C16orf96: variants seen among roughly 807,000 people sequenced by gnomAD.
The protein encoded by C16orf96 is uncharacterized protein C16orf96.
In C16orf96, 108 loss-of-function variants were observed where a neutral mutation model predicts 103.6. The observed-to-expected ratio is 1.04, with a 90% CI of 0.89 to 1.22. C16orf96 has a LOEUF of 1.22. Ranked by LOEUF, C16orf96 falls within the 50% of genes most tolerant of loss-of-function variation. C16orf96 has a pLI of 0.00. For missense variants in C16orf96, 1,586 were observed against 1,464.2 expected, an observed-to-expected ratio of 1.08 and a Z score of -1.36; for synonymous variants, 566 against 593.5, an observed-to-expected ratio of 0.95 and a Z score of 0.67.
Position 4,587,023 on chromosome 16 carries a change from G to A in C16orf96, c.2353-16G>A. 4 of 1,550,378 alleles carry A rather than the reference G, an allele frequency of 2.6e-6. No individual in the cohort carries two copies. The highest frequency in any genetic ancestry group is 3.5e-6 in the Non-Finnish European group (4 of 1,146,028). ...GCTCTCCAGGATGGCAGACATGCCT[G>A]TGCTTCTGTTCTTAGACTCTCCAGG... On this transcript the variant is annotated splice_polypyrimidine_tract_variant and intron_variant, in intron 7 of 15. Coordinates refer to ENST00000444310, the MANE Select transcript of C16orf96 (RefSeq NM_001145011.2).
intron 9 of C16orf96, among the ~76,000 whole-genome samples, chr16:4,589,418 CAA>C (rs34683174): frequency 3.0e-3 from 446 of 146,436 alleles, no homozygotes; most frequent in Admixed American, 4.9e-3. Context: ...GTCCCCCTAC[CAA>C]AAAAAAAAAA....
chr16:4,563,849 A>G (rs1207336051), intron 1 of C16orf96, among the ~76,000 whole-genome samples: 2 of 150,078 alleles, frequency 1.3e-5, no homozygotes, highest in African/African-American at 2.5e-5. Flanking sequence ...GATTACAGGC[A>G]TGAGCCACTG....
chr16:4,551,132 A>G, the C16orf96 span, among the ~76,000 whole-genome samples: 1 of 152,162 alleles, frequency 6.6e-6, no homozygotes, highest in Admixed American at 6.6e-5. Context: ...ATCAGCCAGG[A>G]GAGGTGTTGC....
In C16orf96 at chr16:4,576,532, G is replaced by A. The variant is rs2059512560; in HGVS notation, c.2052G>A (p.Lys684=). The change falls in exon 5 of 16, where the codon AAG becomes AAA. Residue 684 remains lysine, a synonymous_variant. Coordinates refer to ENST00000444310, the MANE Select transcript of C16orf96 (RefSeq NM_001145011.2). Reference sequence around the variant, plus strand: ...CTGAAGACAAGAAGAGGGCTGTCAAGTATTCCATGAGCCACATAGCCCAGA... The same window carrying A: ...CTGAAGACAAGAAGAGGGCTGTCAAATATTCCATGAGCCACATAGCCCAGA... The part of the protein sequence containing the change: ...MSPEDKKRAV[K]YSMSHIAQIP... 1.9e-6 allele frequency: 3 copies of A among 1,551,436 alleles called. No homozygotes were observed. The highest frequency in any genetic ancestry group is 1.2e-5 in the South Asian group (1 of 84,062).
At chr16:4,555,791 G>C (rs1478083464), upstream of C16orf96, among the ~76,000 whole-genome samples, 1 of 151,116 alleles carries the variant, frequency 6.6e-6, no homozygotes, top group Non-Finnish European at 1.5e-5. Context: ...CAAACTCCTG[G>C]CTTCAAGCAA....
rs1322986744 is a variant in C16orf96 at position 4,562,751 on chromosome 16, T to C, written c.420+5842T>C. On this transcript the variant is annotated intron_variant, in intron 1 of 15. Coordinates refer to ENST00000444310, the MANE Select transcript of C16orf96 (RefSeq NM_001145011.2). The stretch of plus-strand genomic sequence containing the variant: ...AGAACATTTAGAAAACAAAAGCCAA[T>C]GTAAAAAGACAGATTAAAACAACTA... 1.1e-5 allele frequency: 8 copies of C among 741,250 alleles called. No homozygotes were observed. The East Asian group carries it at 2.3e-4, about 21-fold the overall frequency. The allele number at this position is 741,250 out of a possible 1,614,324, so 45.9% of individuals were successfully genotyped here.
At chr16:4,546,281 C>A in the C16orf96 span, among the ~76,000 whole-genome samples, 1 of 151,460 alleles carries the variant, frequency 6.6e-6, no homozygotes, top group Non-Finnish European at 1.5e-5. Context: ...GCCTCAGCCT[C>A]CCGAGTAGCT....
intron 7 of C16orf96, among the ~76,000 whole-genome samples, chr16:4,584,394 C>A (rs1276802583): frequency 1.4e-5 from 2 of 138,814 alleles, no homozygotes. Flanking sequence ...GTCGCCCAGC[C>A]TGGAGTGCAG....
At chr16:4,553,275 T>C (rs1467792471), upstream of C16orf96, among the ~76,000 whole-genome samples, 5 of 152,126 alleles carry the variant, frequency 3.3e-5, no homozygotes, top group Non-Finnish European at 7.3e-5. Context: ...TCCCTGAAAA[T>C]ATCCCACTGT....
Position 4,587,087 on chromosome 16 carries a change from A to AGC in C16orf96, c.2402_2403dup (p.Thr802AlafsTer7). The AGC allele has an allele frequency of 6.4e-7, 1 of 1,551,638 alleles. No homozygotes were observed. The highest frequency in any genetic ancestry group is 8.7e-7 in the Non-Finnish European group (1 of 1,146,950). Reference sequence around the variant, plus strand: ...ACTGGAAATGAACAAGGTGAATAAGAGCACGATGGAGGAGGAGCTGAGAGA... The same window carrying AGC: ...ACTGGAAATGAACAAGGTGAATAAGAGCGCACGATGGAGGAGGAGCTGAGAGA... On this transcript the variant is annotated frameshift_variant, in exon 8 of 16. Coordinates refer to ENST00000444310, the MANE Select transcript of C16orf96 (RefSeq NM_001145011.2). LOFTEE classifies it high-confidence loss of function.
the C16orf96 span, among the ~76,000 whole-genome samples, chr16:4,542,369 A>T: frequency 2.7e-4 from 41 of 152,202 alleles, no homozygotes; most frequent in African/African-American, 9.9e-4. Context: ...AGTCTCTAAA[A>T]AAATAAATAA....
intron 2 of C16orf96, among the ~76,000 whole-genome samples, chr16:4,573,918 C>G (rs989187981): frequency 6.6e-6 from 1 of 151,850 alleles, no homozygotes; most frequent in African/African-American, 2.4e-5. Flanking sequence ...ACTGCAACCT[C>G]TGCCTCCCGG....
rs1397376615 is a variant in C16orf96, at chr16:4,587,568, A to AAAAG, written c.2427+460_2427+463dup. 1.7e-4 allele frequency among the ~76,000 whole-genome samples: 26 copies of AAAAG among 151,432 alleles called. No individual in the cohort carries two copies. In the East Asian group the frequency reaches 2.2e-3, roughly 13 times the overall value. ...AAAAAAGAAAGAAAGAAAAAGAAAG[A>AAAAG]AAAGAAAGGAAAACAGGAGGCACAT... On this transcript the variant is annotated intron_variant, in intron 8 of 15. Transcript: ENST00000444310.
Position 4,600,385 on chromosome 16 carries a change from T to G in C16orf96, c.*68T>G. ...TCCGAGGCTGAGGCCCATGTGGCCC[T>G]CCCACTCCCACCAAGTCCCCTCCAC... On this transcript the variant is annotated 3_prime_UTR_variant, in exon 16 of 16. Coordinates refer to ENST00000444310, the MANE Select transcript of C16orf96 (RefSeq NM_001145011.2). 1 of 1,039,074 alleles carries G rather than the reference T, an allele frequency of 9.6e-7. No homozygotes were observed. The highest frequency in any genetic ancestry group is 1.3e-6 in the Non-Finnish European group (1 of 749,374). 64.4% of individuals were successfully genotyped at this position (1,039,074 alleles called of 1,614,324 possible).
chr16:4,565,783 C>G (rs2141702244), intron 1 of C16orf96, among the ~76,000 whole-genome samples: 1 of 152,274 alleles, frequency 6.6e-6, no homozygotes, highest in South Asian at 2.1e-4. Flanking sequence ...GCCACCACAC[C>G]CAGCCTCGTT....
At chr16:4,554,554 A>C (rs933118268), upstream of C16orf96, among the ~76,000 whole-genome samples, 5 of 151,400 alleles carry the variant, frequency 3.3e-5, no homozygotes, top group African/African-American at 1.2e-4. Context: ...ACGGGGTTTC[A>C]CACTGTTAGC....
intron 1 of C16orf96, chr16:4,563,012 A>C (rs2059348352): frequency 1.9e-6 from 2 of 1,045,328 alleles, no homozygotes; most frequent in Non-Finnish European, 3.0e-6. Context: ...GAAACATGTT[A>C]CCATCTCTGC....
chr16:4,549,774 G>T, the C16orf96 span, among the ~76,000 whole-genome samples: 1 of 152,054 alleles, frequency 6.6e-6, no homozygotes, highest in East Asian at 1.9e-4. Context: ...GAGAGACCCT[G>T]TCTCAAAAAA....
At chr16:4,561,870 C>G (rs553051753) in intron 1 of C16orf96, among the ~76,000 whole-genome samples, 4 of 152,142 alleles carry the variant, frequency 2.6e-5, no homozygotes, top group African/African-American at 2.4e-5. Context: ...CAGTCTGCCT[C>G]CTTCAGGCCT....
Sources: allele counts gnomAD v4.1 joint callset (sites outside exome capture counted in the v4.1 genomes callset), GRCh38; gene constraint gnomAD v4.1.1; transcripts MANE v1.5; gene names NCBI Gene and HGNC (gene_info 2026-07-23, HGNC 2026-07-21).